The following PRDM5 variants were observed in gnomAD, a reference collection of about 807,000 sequenced individuals.
PRDM5 encodes PR/SET domain 5.
Under a neutral mutation model 81.2 loss-of-function variants are expected in PRDM5, and 56 were observed. That is an observed-to-expected ratio of 0.69 (90% confidence interval 0.56 to 0.86). The LOEUF (loss-of-function observed/expected upper bound fraction) is 0.86, where lower values mean the gene tolerates loss of function less well. Ranked by LOEUF, PRDM5 falls within the 40% of genes least tolerant of loss-of-function variation. PRDM5 has a pLI of 0.00. For missense variants in PRDM5, 697 were observed against 770.1 expected (o/e 0.91, Z 1.12); for synonymous variants, 267 against 256.4 (o/e 1.04, Z -0.39).
intron 14 of PRDM5, among the ~76,000 whole-genome samples, chr4:120,730,078 T>C (rs1384243305): frequency 6.6e-6 from 1 of 152,220 alleles, no homozygotes; most frequent in Non-Finnish European, 1.5e-5. Context: ...TGGCTGCATA[T>C]CTAGGAATGA....
At chr4:120,849,728 G>A (rs1213021080) in intron 3 of PRDM5, among the ~76,000 whole-genome samples, 1 of 152,042 alleles carries the variant, frequency 6.6e-6, no homozygotes, top group African/African-American at 2.4e-5. Flanking sequence ...ATTTTTAAGA[G>A]CCTGCAAAAC....
At chr4:120,696,760 G>A (rs773208700) in intron 15 of PRDM5, among the ~76,000 whole-genome samples, 3 of 151,988 alleles carry the variant, frequency 2.0e-5, no homozygotes, top group Non-Finnish European at 2.9e-5. Flanking sequence ...AAATGTTAAT[G>A]AGAGGGAGGC....
intron 13 of PRDM5, among the ~76,000 whole-genome samples, chr4:120,758,035 C>G (rs1444867944): frequency 6.6e-6 from 1 of 152,108 alleles, no homozygotes; most frequent in Non-Finnish European, 1.5e-5. Context: ...AACCCCTGCT[C>G]CTGGTTTTCA....
chr4:120,868,386 A>C (rs1236603565), intron 2 of PRDM5, among the ~76,000 whole-genome samples: 25 of 152,336 alleles, frequency 1.6e-4, no homozygotes, highest in Admixed American at 1.6e-3. Flanking sequence ...GTAGGATAAA[A>C]ACAAAAAGCT....
intron 13 of PRDM5, among the ~76,000 whole-genome samples, chr4:120,760,399 C>T (rs1345001019): frequency 6.6e-6 from 1 of 152,054 alleles, no homozygotes; most frequent in African/African-American, 2.4e-5. Context: ...TAGTCACTTG[C>T]AACATTTAGA....
At chr4:120,763,757 G>A (rs1745970927) in intron 13 of PRDM5, among the ~76,000 whole-genome samples, 1 of 152,114 alleles carries the variant, frequency 6.6e-6, no homozygotes, top group South Asian at 2.1e-4. Flanking sequence ...ATATTTATGA[G>A]TATAGTTGGT....
chr4:120,816,512 C>T lies in PRDM5; in HGVS notation c.806G>A (p.Cys269Tyr). Residue 269 changes from cysteine to tyrosine, a missense_variant, in exon 7 of 16, where the codon TGT becomes TAT. Cys to Tyr is a radical substitution (Grantham distance 194, BLOSUM62 -2). This residue lies in a region of PRDM5 where 577 missense variants were observed against 606.7 expected (regional missense o/e 0.95). Coordinates refer to ENST00000264808, the MANE Select transcript of PRDM5 (RefSeq NM_018699.4). ...ATCCTTGCTCTTCAGCCTCTTTCCA[C>T]AGCTGTCAGCCTTGCACACAAACCT... ...DARFVCKADS[C>Y]GKRLKSKDAL... is the part of the protein sequence containing the mutation. The T allele has an allele frequency of 1.2e-6, 2 of 1,614,214 alleles. No homozygotes were observed. Among genetic ancestry groups the T allele is most frequent in the South Asian group, 2.2e-5 (2 of 91,084 alleles).
intron 13 of PRDM5, among the ~76,000 whole-genome samples, chr4:120,771,472 C>A (rs1747285314): frequency 6.6e-6 from 1 of 152,028 alleles, no homozygotes; most frequent in Non-Finnish European, 1.5e-5. Flanking sequence ...AAAAAGAATG[C>A]TTAGCCTTCT....
At chr4:120,792,305 G>A (rs28406224) in intron 10 of PRDM5, among the ~76,000 whole-genome samples, 6 of 152,208 alleles carry the variant, frequency 3.9e-5, no homozygotes, top group African/African-American at 9.6e-5. Flanking sequence ...CCACTGGTGC[G>A]GAGACTGAAA....
Position 120,821,292 on chromosome 4 carries a change from C to G in PRDM5, c.354G>C (p.Glu118Asp). ...LAVEDIETDT[E>D]LLIGYLDSDM... ...CACTATCCAGGTAGCCAATCAGAAG[C>G]TCCGTGTCTGTTTCTATATCTTCAA... is the stretch of plus-strand genomic sequence containing the variant. Residue 118 changes from glutamate to aspartate, a missense_variant, in exon 4 of 16, where the codon GAG (glutamate) becomes GAC (aspartate). Around this residue, in one of 3 missense-constraint regions of PRDM5, gnomAD observed 577 missense variants for 606.7 expected, o/e 0.95. Transcript: ENST00000264808. 1 of 1,614,040 alleles carries G rather than the reference C, an allele frequency of 6.2e-7. No homozygotes were observed. The highest frequency in any genetic ancestry group is 8.5e-7 in the Non-Finnish European group (1 of 1,179,988).
chr4:120,696,600 G>T (rs1390339884), intron 15 of PRDM5, among the ~76,000 whole-genome samples: 3 of 152,024 alleles, frequency 2.0e-5, no homozygotes, highest in African/African-American at 7.2e-5. Context: ...TTCCTCACCT[G>T]TAAAATGACA....
intron 14 of PRDM5, among the ~76,000 whole-genome samples, chr4:120,740,872 G>A (rs796201467): frequency 1.3e-4 from 20 of 152,256 alleles, no homozygotes; most frequent in African/African-American, 4.8e-4. Context: ...CATACCAACT[G>A]CTCAATCTCA....
At chr4:120,843,466 G>T (rs1758287949) in intron 3 of PRDM5, among the ~76,000 whole-genome samples, 1 of 151,904 alleles carries the variant, frequency 6.6e-6, no homozygotes, top group Non-Finnish European at 1.5e-5. Context: ...ACTTTGTGAG[G>T]CCAAGGCAGG....
intron 14 of PRDM5, among the ~76,000 whole-genome samples, chr4:120,723,040 G>C (rs893257493): frequency 2.0e-5 from 3 of 152,118 alleles, no homozygotes; most frequent in Non-Finnish European, 2.9e-5. Context: ...GTTAGTTTGG[G>C]ATAAAAATCA....
rs10010892 is a variant in PRDM5 at position 120,863,193 on chromosome 4, C to A, written c.178-9653G>T. Among the ~76,000 whole-genome samples, 8 of 94,140 alleles carry A rather than the reference C, an allele frequency of 8.5e-5. No individual in the cohort carries two copies. The South Asian group carries it at 2.2e-3, about 26-fold the overall frequency. 61.8% of individuals were successfully genotyped at this position (94,140 alleles called of 152,430 possible). A position where few individuals can be genotyped will look rare whatever the true frequency, so the allele number is the denominator to read the frequency against. ...AAAAAAAAATATATATATATATATA[C>A]ACACACACACACACACACACACACA... On this transcript the variant is annotated intron_variant, in intron 2 of 15. Coordinates refer to ENST00000264808, the MANE Select transcript of PRDM5 (RefSeq NM_018699.4).
chr4:120,822,042 C>T (rs1467380207), intron 3 of PRDM5, among the ~76,000 whole-genome samples: 1 of 151,762 alleles, frequency 6.6e-6, no homozygotes, highest in African/African-American at 2.4e-5. Context: ...TAATAGATAA[C>T]TAATGCAGAG....
At chr4:120,763,298 A>T (rs1402935063) in intron 13 of PRDM5, among the ~76,000 whole-genome samples, 2 of 152,140 alleles carry the variant, frequency 1.3e-5, no homozygotes, top group Non-Finnish European at 2.9e-5. Flanking sequence ...AAATTTTTTT[A>T]AAAAAGAATA....
intron 8 of PRDM5, among the ~76,000 whole-genome samples, chr4:120,808,646 C>T (rs988210283): frequency 6.6e-6 from 1 of 152,122 alleles, no homozygotes; most frequent in African/African-American, 2.4e-5. Flanking sequence ...TGGGACCAGG[C>T]ACCATGGAGC....
At chr4:120,742,156 C>T (rs1742123732) in intron 14 of PRDM5, among the ~76,000 whole-genome samples, 1 of 152,222 alleles carries the variant, frequency 6.6e-6, no homozygotes, top group Non-Finnish European at 1.5e-5. Flanking sequence ...GAGGCACCCT[C>T]CAGCAGGGGC....
Sources: gnomAD v4.1 joint callset for allele counts (sites outside exome capture counted in the v4.1 genomes callset) on GRCh38, gnomAD v4.1.1 for gene constraint, gnomAD v4.1.1 regional missense constraint, MANE v1.5 for transcripts, NCBI Gene and HGNC (gene_info 2026-07-23, HGNC 2026-07-21) for gene names.